Variants in CCR3 observed in about 807,000 individuals in gnomAD.
CCR3 encodes C-C motif chemokine receptor 3.
For missense variants in CCR3, 419 were observed against 437.5 expected (o/e 0.96, Z 0.38); for synonymous variants, 203 against 179.2 (o/e 1.13, Z -1.06).
At chr3:46,252,328 A>G (rs1700330113) in intron 1 of CCR3, among the ~76,000 whole-genome samples, 1 of 151,126 alleles carries the variant, frequency 6.6e-6, no homozygotes, top group Admixed American at 6.6e-5. Context: ...GGGGTGCACC[A>G]CTACTGCCCA....
intron 2 of CCR3, among the ~76,000 whole-genome samples, chr3:46,235,952 T>G (rs1023280657): frequency 1.3e-5 from 2 of 152,256 alleles, no homozygotes; most frequent in African/African-American, 4.8e-5. Context: ...TTCATGTTGC[T>G]CTCCCTGGAC....
intron 1 of CCR3, among the ~76,000 whole-genome samples, chr3:46,243,447 C>T (rs931368990): frequency 6.6e-6 from 1 of 152,098 alleles, no homozygotes; most frequent in Non-Finnish European, 1.5e-5. Flanking sequence ...TGAAAATCCA[C>T]ACTAAATCAA....
intron 1 of CCR3, among the ~76,000 whole-genome samples, chr3:46,261,008 C>T (rs1700516713): frequency 6.6e-6 from 1 of 152,304 alleles, no homozygotes; most frequent in Admixed American, 6.5e-5. Context: ...CTTTCTCTCC[C>T]TCCTACTTTC....
In CCR3 at chr3:46,265,390, A is replaced by T. The variant is rs141859798; in HGVS notation, c.232A>T (p.Ile78Phe). 4 of 1,614,038 alleles carry T rather than the reference A, an allele frequency of 2.5e-6. No individual in the cohort carries two copies. Among genetic ancestry groups the T allele is most frequent in the Non-Finnish European group, 3.4e-6 (4 of 1,180,024 alleles). The change falls in exon 2 of 2, where the codon ATT becomes TTT. Residue 78 changes from isoleucine (I) to phenylalanine (F), a missense_variant. Transcript: ENST00000395940. Reference sequence around the variant, plus strand: ...CAACATCTACCTGCTCAACCTGGCCATTTCGGACCTGCTCTTCCTCGTCAC... The same window carrying T: ...CAACATCTACCTGCTCAACCTGGCCTTTTCGGACCTGCTCTTCCTCGTCAC... ...MTNIYLLNLA[I>F]SDLLFLVTLP...
intron 2 of CCR3, among the ~76,000 whole-genome samples, chr3:46,221,195 G>T (rs1281251750): frequency 2.0e-5 from 3 of 151,702 alleles, no homozygotes; most frequent in South Asian, 2.1e-4. Flanking sequence ...CAGGCATGTT[G>T]TGCCTGTTTT....
intron 1 of CCR3, among the ~76,000 whole-genome samples, chr3:46,251,653 G>C (rs1213177243): frequency 6.6e-6 from 1 of 152,180 alleles, no homozygotes; most frequent in Non-Finnish European, 1.5e-5. Context: ...CTTTGTGTGA[G>C]CAACATGGCT....
intron 2 of CCR3, among the ~76,000 whole-genome samples, chr3:46,219,902 A>T (rs533012226): frequency 3.9e-5 from 6 of 152,184 alleles, no homozygotes; most frequent in Admixed American, 3.3e-4. Context: ...AGATAACATC[A>T]GAAGAACTCT....
At chr3:46,237,345 T>C (rs1004627103) in intron 2 of CCR3, among the ~76,000 whole-genome samples, 1 of 152,248 alleles carries the variant, frequency 6.6e-6, no homozygotes, top group Non-Finnish European at 1.5e-5. Flanking sequence ...ATATTAGTAC[T>C]TGGGTGAATG....
At chr3:46,233,770 T>A (rs1046451677) in intron 2 of CCR3, among the ~76,000 whole-genome samples, 2 of 152,220 alleles carry the variant, frequency 1.3e-5, no homozygotes, top group African/African-American at 4.8e-5. Context: ...TCCTTCAGGT[T>A]TGATGCCATC....
Position 46,227,968 on chromosome 3 carries a change from T to C in CCR3, c.-67-14434T>C, listed in dbSNP as rs192738359. On this transcript the variant is annotated intron_variant, in intron 2 of 3. Coordinates refer to the CCR3 transcript ENST00000357422. ...TCCATAGGTACTTGAAAAAGTGTAT[T>C]CGTTGTGAAGGTATCTACATTTTAT... Among the ~76,000 whole-genome samples, 24 of 152,292 alleles carry C rather than the reference T, an allele frequency of 1.6e-4. No homozygotes were observed. In the East Asian group the frequency reaches 4.6e-3, roughly 29 times the overall value.
intron 1 of CCR3, among the ~76,000 whole-genome samples, chr3:46,264,929 C>G (rs1267475954): frequency 6.6e-6 from 1 of 152,112 alleles, no homozygotes; most frequent in Non-Finnish European, 1.5e-5. Flanking sequence ...TGCTTCTTTT[C>G]CCATGCCGGG....
At chr3:46,243,401 T>G (rs1700131966) in intron 1 of CCR3, among the ~76,000 whole-genome samples, 1 of 152,164 alleles carries the variant, frequency 6.6e-6, no homozygotes, top group African/African-American at 2.4e-5. Flanking sequence ...TAAGTATGTA[T>G]GTGTGGAAAT....
chr3:46,251,010 C>T (rs1700298472), intron 1 of CCR3, among the ~76,000 whole-genome samples: 1 of 151,708 alleles, frequency 6.6e-6, no homozygotes, highest in Non-Finnish European at 1.5e-5. Context: ...TTCTTGCCCC[C>T]TAGAAAAGTG....
chr3:46,252,169 C>CTTTTTTTTT (rs58623050), intron 1 of CCR3, among the ~76,000 whole-genome samples: 2 of 86,846 alleles, frequency 2.3e-5, no homozygotes, highest in Non-Finnish European at 4.3e-5. Context: ...TAGTTTCTGT[C>CTTTTTTTTT]TTTTTTTTTT....
At chr3:46,243,606 T>C (rs368771501) in intron 1 of CCR3, among the ~76,000 whole-genome samples, 1 of 152,178 alleles carries the variant, frequency 6.6e-6, no homozygotes, top group East Asian at 1.9e-4. Flanking sequence ...TGACAAGTAC[T>C]TCAAGTGAGA....
chr3:46,224,600 C>T (rs748118985), intron 2 of CCR3, among the ~76,000 whole-genome samples: 6 of 150,970 alleles, frequency 4.0e-5, no homozygotes, highest in Admixed American at 6.6e-5. Context: ...AGCCAGGCAT[C>T]GTGGCACACA....
rs918892310 is a variant in CCR3 at position 46,216,945 on chromosome 3, GA to G, written c.-68+6046del. Among the ~76,000 whole-genome samples, 10 of 151,266 alleles carry G rather than the reference GA, an allele frequency of 6.6e-5. No individual in the cohort carries two copies. The East Asian group carries it at 7.7e-4, about 12-fold the overall frequency. ...AGGACCTATAAAACAATAACACAAT[GA>G]AAAAAAAGGTATTCAGGCAACAACT... On this transcript the variant is annotated intron_variant, in intron 2 of 3. Transcript: ENST00000357422.
At chr3:46,214,817 G>C (rs1463798844) in intron 2 of CCR3, among the ~76,000 whole-genome samples, 1 of 152,136 alleles carries the variant, frequency 6.6e-6, no homozygotes, top group African/African-American at 2.4e-5. Flanking sequence ...GCACAGTGAA[G>C]TGCTTAGCAG....
At chr3:46,251,436 A>G (rs1165892706) in intron 1 of CCR3, among the ~76,000 whole-genome samples, 1 of 152,086 alleles carries the variant, frequency 6.6e-6, no homozygotes, top group Non-Finnish European at 1.5e-5. Context: ...AGGTTGGAGA[A>G]GAGAGTAAAA....
Sources: allele counts gnomAD v4.1 joint callset (sites outside exome capture counted in the v4.1 genomes callset), GRCh38; gene constraint gnomAD v4.1.1; transcripts MANE v1.5; gene names NCBI Gene and HGNC (gene_info 2026-07-23, HGNC 2026-07-21).